The following MICAL2 variants were observed in gnomAD, a reference collection of about 807,000 sequenced individuals.
MICAL2 encodes the protein [F-actin]-monooxygenase MICAL2.
In MICAL2, 77 loss-of-function variants were observed where a neutral mutation model predicts 127.3. The observed-to-expected ratio is 0.60, with a 90% CI of 0.50 to 0.73. The LOEUF is 0.73. Among genes scored for constraint, MICAL2 ranks in the 30% least tolerant of loss-of-function variants. The pLI, the probability that MICAL2 is intolerant of heterozygous loss-of-function variation, is 0.00. For synonymous variants in MICAL2, 570 were observed against 551.1 expected (o/e 1.03, Z -0.48); for missense variants, 1,351 against 1,434.4 (o/e 0.94, Z 0.94).
At chr11:12,149,930 G>A (rs1853391282) in intron 2 of MICAL2, among the ~76,000 whole-genome samples, 1 of 152,180 alleles carries the variant, frequency 6.6e-6, no homozygotes, top group South Asian at 2.1e-4. Flanking sequence ...GGCAAGTAGA[G>A]AGGGGTCTGC....
At chr11:12,196,972 A>G (rs981469794) in intron 3 of MICAL2, among the ~76,000 whole-genome samples, 1 of 152,170 alleles carries the variant, frequency 6.6e-6, no homozygotes, top group African/African-American at 2.4e-5. Flanking sequence ...TATCTCCTGG[A>G]GGGATCCTTT....
At chr11:12,217,434 C>T (rs928954346) in intron 8 of MICAL2, among the ~76,000 whole-genome samples, 5 of 152,096 alleles carry the variant, frequency 3.3e-5, no homozygotes, top group Admixed American at 1.3e-4. Flanking sequence ...GGGCTGAGCA[C>T]GCCAGCAGAT....
intron 27 of MICAL2, 49 bp downstream of exon 27, chr11:12,262,586 C>A: frequency 6.8e-7 from 1 of 1,475,180 alleles, no homozygotes; most frequent in Non-Finnish European, 9.5e-7. Flanking sequence ...AACCCCCAAC[C>A]CGCTTTCCGC....
chr11:12,350,920 TG>T, intron 33 of MICAL2, among the ~76,000 whole-genome samples: 1 of 152,298 alleles, frequency 6.6e-6, no homozygotes, highest in Non-Finnish European at 1.5e-5. Flanking sequence ...AGGAAGGACC[TG>T]TCCTTGCCCT....
At chr11:12,175,000 G>A (rs1183063681) in intron 3 of MICAL2, among the ~76,000 whole-genome samples, 7 of 152,066 alleles carry the variant, frequency 4.6e-5, no homozygotes, top group African/African-American at 1.7e-4. Flanking sequence ...GAATGCACCT[G>A]TAGTCCCAGC....
intron 26 of MICAL2, chr11:12,261,134 A>G: frequency 1.0e-6 from 1 of 985,450 alleles, no homozygotes; most frequent in Non-Finnish European, 1.2e-6. Flanking sequence ...GTCCTTTGGG[A>G]CTGAGGGGGT....
At chr11:12,355,262 C>T (rs965777560) in intron 34 of MICAL2, among the ~76,000 whole-genome samples, 3 of 152,072 alleles carry the variant, frequency 2.0e-5, no homozygotes, top group Admixed American at 2.0e-4. Context: ...ATGAAGGCCA[C>T]ATCAGAAGGG....
rs1159771256 is a variant in MICAL2, at chr11:12,123,659, G to A, written c.-149+12933G>A. 3.3e-5 allele frequency among the ~76,000 whole-genome samples: 5 copies of A among 152,198 alleles called. No homozygotes were observed. In the South Asian group the frequency reaches 1.0e-3, roughly 31 times the overall value. On this transcript the variant is annotated intron_variant, in intron 1 of 27. Coordinates refer to ENST00000683283, the MANE Select transcript of MICAL2 (RefSeq NM_001282663.2). The stretch of plus-strand genomic sequence containing the variant: ...CCCGGGAGAGATCGTTAGGTTTCAG[G>A]GGGTTTTAAGACACATTCTGCTTTC...
intron 7 of MICAL2, among the ~76,000 whole-genome samples, chr11:12,215,481 G>C (rs1052865587): frequency 2.0e-5 from 3 of 152,234 alleles, no homozygotes; most frequent in African/African-American, 7.2e-5. Context: ...TTAAAGCACA[G>C]CGTGCTGGCC....
At chr11:12,123,587 G>T (rs967568970) in intron 1 of MICAL2, among the ~76,000 whole-genome samples, 1 of 152,190 alleles carries the variant, frequency 6.6e-6, no homozygotes, top group African/African-American at 2.4e-5. Context: ...CCAGGAATGA[G>T]TCAAATTTCC....
rs569873731 is a variant in MICAL2, at chr11:12,209,655, T to C, written c.691+57T>C. On this transcript the variant is annotated intron_variant, in intron 6 of 27. Transcript: ENST00000683283. ...GGGGATGGGAATGGGAGAGGGTACA[T>C]TGGGGAAGAGTTGGAGAAAGTGGGC... 3.5e-5 allele frequency: 51 copies of C among 1,477,234 alleles called. 1 individual carries two copies. The Admixed American group carries it at 4.5e-4, about 13-fold the overall frequency. 91.5% of individuals were successfully genotyped at this position (1,477,234 alleles called of 1,614,324 possible).
intron 32 of MICAL2, among the ~76,000 whole-genome samples, chr11:12,329,035 T>C (rs1413123198): frequency 6.6e-6 from 1 of 152,238 alleles, no homozygotes; most frequent in Non-Finnish European, 1.5e-5. Flanking sequence ...TTCTTGTTGG[T>C]AAATTGGGAG....
chr11:12,334,837 T>C (rs963998957), intron 32 of MICAL2, among the ~76,000 whole-genome samples: 3 of 152,068 alleles, frequency 2.0e-5, no homozygotes, highest in African/African-American at 7.2e-5. Flanking sequence ...TACATTTTCT[T>C]AATCCAGTCT....
chr11:12,328,037 A>C (rs1167511607), intron 32 of MICAL2, among the ~76,000 whole-genome samples: 1 of 152,238 alleles, frequency 6.6e-6, no homozygotes, highest in Non-Finnish European at 1.5e-5. Flanking sequence ...TGATATAAGG[A>C]TTAAAGAAGA....
At chr11:12,199,581 T>C (rs1265149468) in intron 3 of MICAL2, among the ~76,000 whole-genome samples, 2 of 152,100 alleles carry the variant, frequency 1.3e-5, no homozygotes, top group African/African-American at 4.8e-5. Context: ...CCCAGCACAC[T>C]TGCCCACTTG....
At chr11:12,137,483 C>A (rs1851941216) in intron 1 of MICAL2, among the ~76,000 whole-genome samples, 1 of 152,226 alleles carries the variant, frequency 6.6e-6, no homozygotes, top group African/African-American at 2.4e-5. Context: ...CCACCCATGA[C>A]AGTACACAGC....
chr11:12,115,448 T>G (rs549323892), intron 1 of MICAL2, among the ~76,000 whole-genome samples: 26 of 152,298 alleles, frequency 1.7e-4, no homozygotes, highest in African/African-American at 6.0e-4. Flanking sequence ...GCTTTTTTTC[T>G]TTTTTTCCTT....
At chr11:12,118,138 G>A (rs1055893709) in intron 1 of MICAL2, among the ~76,000 whole-genome samples, 49 of 152,166 alleles carry the variant, frequency 3.2e-4, no homozygotes, top group African/African-American at 8.0e-4. Context: ...TTGCTTGGGC[G>A]TGTTGGTTAT....
Position 12,213,417 on chromosome 11 carries a change from C to A in MICAL2, c.847+7C>A, listed in dbSNP as rs541367446. On this transcript the variant is annotated splice_region_variant and intron_variant, in intron 7 of 27. Coordinates refer to ENST00000683283, the MANE Select transcript of MICAL2 (RefSeq NM_001282663.2). ...GACCTTAAAGAAGAAACAGGTGGGA[C>A]CTTCACCTTTCTCCCAACCAGGCCA... 14 of 1,611,218 alleles carry A rather than the reference C, an allele frequency of 8.7e-6. No individual in the cohort carries two copies. The highest frequency in any genetic ancestry group is 1.0e-5 in the Non-Finnish European group (12 of 1,178,370).
Sources: allele counts gnomAD v4.1 joint callset (sites outside exome capture counted in the v4.1 genomes callset), GRCh38; gene constraint gnomAD v4.1.1; transcripts MANE v1.5; gene names NCBI Gene and HGNC (gene_info 2026-07-23, HGNC 2026-07-21).